IL17RD: variants seen among roughly 807,000 people sequenced by gnomAD.
IL17RD encodes the protein interleukin 17 receptor D, also known as interleukin-17 receptor D.
IL17RD carries 52 observed loss-of-function variants against 80.5 expected under a neutral mutation model. The ratio of observed to expected loss-of-function variants is 0.65; its 90% CI spans 0.52 to 0.81. The LOEUF (loss-of-function observed/expected upper bound fraction) is 0.81, where lower values mean the gene tolerates loss of function less well. Among genes scored for constraint, IL17RD ranks in the 40% least tolerant of loss-of-function variants. IL17RD has a pLI of 0.00. For missense variants in IL17RD, 1,024 were observed against 955.1 expected (o/e 1.07, Z -0.95); for synonymous variants, 416 against 391.8 (o/e 1.06, Z -0.73).
intron 1 of IL17RD, among the ~76,000 whole-genome samples, chr3:57,148,324 CAAAA>C (rs34343372): frequency 1.2e-4 from 13 of 104,056 alleles, no homozygotes; most frequent in Non-Finnish European, 2.2e-4. Flanking sequence ...GACTCTATCT[CAAAA>C]AAAAAAAAAA....
intron 1 of IL17RD, among the ~76,000 whole-genome samples, chr3:57,156,876 G>C (rs2060270663): frequency 1.3e-5 from 2 of 152,062 alleles, no homozygotes. Context: ...GTCAGGCCCT[G>C]CTCAAAGTCC....
At chr3:57,112,015 G>A (rs1411247187) in intron 3 of IL17RD, among the ~76,000 whole-genome samples, 5 of 151,810 alleles carry the variant, frequency 3.3e-5, no homozygotes, top group Admixed American at 6.6e-5. Context: ...GGTGGCAAGC[G>A]GTGGTTCTTG....
At chr3:57,133,283 T>G (rs890542682) in intron 1 of IL17RD, among the ~76,000 whole-genome samples, 1 of 152,364 alleles carries the variant, frequency 6.6e-6, no homozygotes, top group African/African-American at 2.4e-5. Flanking sequence ...TCCCTGTAAC[T>G]TTACATCGTC....
intron 1 of IL17RD, among the ~76,000 whole-genome samples, chr3:57,155,031 G>A (rs768842154): frequency 6.6e-6 from 1 of 152,124 alleles, no homozygotes; most frequent in African/African-American, 2.4e-5. Context: ...AATCAAAGCC[G>A]GGCAAAAACT....
intron 1 of IL17RD, among the ~76,000 whole-genome samples, chr3:57,147,010 T>G (rs34860689): frequency 7.9e-6 from 1 of 126,652 alleles, no homozygotes; most frequent in Non-Finnish European, 1.6e-5. Flanking sequence ...TTTTTTTTTG[T>G]ATTTTTAGTA....
chr3:57,151,924 A>T (rs2060227821), intron 1 of IL17RD, among the ~76,000 whole-genome samples: 1 of 152,162 alleles, frequency 6.6e-6, no homozygotes, highest in South Asian at 2.1e-4. Flanking sequence ...CACTGCTCTA[A>T]ATCAAAGTCT....
At chr3:57,119,695 C>T (rs1707292989) in intron 2 of IL17RD, among the ~76,000 whole-genome samples, 1 of 151,442 alleles carries the variant, frequency 6.6e-6, no homozygotes, top group Admixed American at 6.6e-5. Flanking sequence ...CACAGATTCA[C>T]CTTGTGTGAA....
At position 57,127,375 on chromosome 3, in the gene IL17RD, T is replaced by TATAA. The variant is rs1223090341; in HGVS notation, c.127-7066_127-7063dup. Among the ~76,000 whole-genome samples the TATAA allele has an allele frequency of 1.2e-4, 9 of 75,406 alleles. 1 individual carries two copies. The highest frequency in any genetic ancestry group is 4.7e-4 in the African/African-American group (7 of 14,748). 49.5% of individuals were successfully genotyped at this position (75,406 alleles called of 152,430 possible). A position where few individuals can be genotyped will look rare whatever the true frequency, so the allele number is the denominator to read the frequency against. ...ATATATATAAATATAAATATATATA[T>TATAA]ATAAATAAATAAATAAATAAATATA... On this transcript the variant is annotated intron_variant, in intron 1 of 12. Coordinates refer to ENST00000296318, the MANE Select transcript of IL17RD (RefSeq NM_017563.5).
intron 1 of IL17RD, among the ~76,000 whole-genome samples, chr3:57,141,209 A>AT (rs1299953545): frequency 6.6e-6 from 1 of 152,184 alleles, no homozygotes; most frequent in Non-Finnish European, 1.5e-5. Context: ...GCCGACCCTC[A>AT]TAACTTAACC....
intron 1 of IL17RD, among the ~76,000 whole-genome samples, chr3:57,161,564 T>G (rs536230520): frequency 1.3e-5 from 2 of 152,318 alleles, no homozygotes; most frequent in African/African-American, 4.8e-5. Context: ...GGAATTATGT[T>G]CCAGGGATAA....
intron 1 of IL17RD, among the ~76,000 whole-genome samples, chr3:57,164,259 A>G (rs549919050): frequency 2.0e-4 from 31 of 151,450 alleles, no homozygotes; most frequent in Non-Finnish European, 3.8e-4. Flanking sequence ...TCGGTGGGAG[A>G]CTCGGGGCAG....
In IL17RD at chr3:57,095,630, G is replaced by A. The variant is rs139439277; in HGVS notation, c.*763C>T. ...TAAATGTAACCCATGGAAACAGCAG[G>A]CAGATCTGGCCCCCACATGATGCCT... On this transcript the variant is annotated 3_prime_UTR_variant, in exon 13 of 13. Coordinates refer to ENST00000296318, the MANE Select transcript of IL17RD (RefSeq NM_017563.5). 1 of 152,350 alleles carries A rather than the reference G, an allele frequency of 6.6e-6. No individual in the cohort carries two copies. Among genetic ancestry groups the A allele is most frequent in the African/African-American group, 2.4e-5 (1 of 41,558 alleles). 9.4% of individuals were successfully genotyped at this position (152,350 alleles called of 1,614,324 possible). A position where few individuals can be genotyped will look rare whatever the true frequency, so the allele number is the denominator to read the frequency against.
upstream of IL17RD, chr3:57,165,444 C>T (rs746547814): frequency 1.1e-5 from 5 of 468,978 alleles, no homozygotes; most frequent in Non-Finnish European, 1.2e-5. Flanking sequence ...CCTCAGTCCT[C>T]GTGTGCTGGC....
intron 1 of IL17RD, among the ~76,000 whole-genome samples, chr3:57,143,610 A>C (rs1707871705): frequency 6.6e-6 from 1 of 152,240 alleles, no homozygotes; most frequent in Non-Finnish European, 1.5e-5. Flanking sequence ...ATATGCACCC[A>C]AAAACGCTGG....
At chr3:57,114,573 C>T in intron 3 of IL17RD, 119 bp downstream of exon 3, 1 of 877,468 alleles carries the variant, frequency 1.1e-6, no homozygotes, top group Non-Finnish European at 1.7e-6. Flanking sequence ...GTGCCCAATC[C>T]AACATAAGCC....
chr3:57,102,517 G>A lies in IL17RD; in HGVS notation c.941C>T (p.Ala314Val), dbSNP rs377275222. 7 of 1,578,642 alleles carry A rather than the reference G, an allele frequency of 4.4e-6. No homozygotes were observed. The highest frequency in any genetic ancestry group is 5.2e-6 in the Non-Finnish European group (6 of 1,153,728). Residue 314 changes from alanine (A) to valine (V), a missense_variant, in exon 10 of 13, where the codon GCG becomes GTG. Ala to Val is a moderately conservative substitution (Grantham distance 64, BLOSUM62 0). Coordinates refer to ENST00000296318, the MANE Select transcript of IL17RD (RefSeq NM_017563.5). ...TVPLVVISAF[A>V]TLFTVMCRKK... ...GCGGCACATCACAGTGAAGAGCGTC[G>A]CGAATGCCGATATGACTACCAGTGG... is the stretch of plus-strand genomic sequence containing the variant.
At chr3:57,105,548 A>T (rs1207942989) in intron 7 of IL17RD, among the ~76,000 whole-genome samples, 1 of 98,850 alleles carries the variant, frequency 1.0e-5, no homozygotes, top group African/African-American at 5.0e-5. Context: ...AAAAAAAAAA[A>T]AAAAATATAT....
chr3:57,145,843 A>C (rs1707913662), intron 1 of IL17RD, among the ~76,000 whole-genome samples: 1 of 152,264 alleles, frequency 6.6e-6, no homozygotes, highest in African/African-American at 2.4e-5. Context: ...ACAAGCAGTC[A>C]GCCTGAGATG....
chr3:57,151,422 T>G (rs1220854344), intron 1 of IL17RD, among the ~76,000 whole-genome samples: 1 of 152,198 alleles, frequency 6.6e-6, no homozygotes, highest in Non-Finnish European at 1.5e-5. Context: ...TTTAAAATAG[T>G]AGTTGCATTC....
Sources: gnomAD v4.1 joint callset for allele counts (sites outside exome capture counted in the v4.1 genomes callset) on GRCh38, gnomAD v4.1.1 for gene constraint, MANE v1.5 for transcripts, NCBI Gene and HGNC (gene_info 2026-07-23, HGNC 2026-07-21) for gene names.